The following TBC1D9 variants were observed in gnomAD, a reference collection of about 807,000 sequenced individuals.
TBC1D9 encodes the protein TBC1 domain family member 9A.
TBC1D9 carries 63 observed loss-of-function variants against 132.0 expected under a neutral mutation model. That is an observed-to-expected ratio of 0.48 (90% CI 0.39 to 0.59). The LOEUF (loss-of-function observed/expected upper bound fraction) is 0.59, where lower values mean the gene tolerates loss of function less well. Ranked by LOEUF, TBC1D9 falls within the 20% of genes least tolerant of loss-of-function variation. The pLI is 0.00. For missense variants in TBC1D9, 1,261 were observed against 1,592.7 expected (o/e 0.79, Z 3.54); for synonymous variants, 610 against 609.9 (o/e 1.00, Z 0.00).
intron 13 of TBC1D9, chr4:140,643,559 GCTGGGCTGGGGCTCGCTCAGGGCCGC>G (rs1034211744): frequency 2.3e-6 from 2 of 881,682 alleles, no homozygotes; most frequent in Non-Finnish European, 3.5e-6. Context: ...ACATTTCTAG[GCTGGGCTGGGGCTCGCTCAGGGCCGC>G]CTGGGCCAGG....
chr4:140,723,764 T>C (rs1400821080), intron 1 of TBC1D9, among the ~76,000 whole-genome samples: 1 of 152,244 alleles, frequency 6.6e-6, no homozygotes, highest in African/African-American at 2.4e-5. Flanking sequence ...TTTATTTATC[T>C]ATGTTATTTT....
intron 9 of TBC1D9, among the ~76,000 whole-genome samples, chr4:140,665,283 A>T (rs1022147880): frequency 6.6e-5 from 10 of 152,164 alleles, no homozygotes; most frequent in African/African-American, 2.2e-4. Flanking sequence ...GCTTCGAAGG[A>T]TACCATCAAA....
At chr4:140,637,680 C>T (rs1402148896) in intron 15 of TBC1D9, among the ~76,000 whole-genome samples, 1 of 152,216 alleles carries the variant, frequency 6.6e-6, no homozygotes, top group African/African-American at 2.4e-5. Flanking sequence ...CAATTAGCTA[C>T]AGGTGCTTAA....
At chr4:140,684,731 G>C (rs898247811) in intron 3 of TBC1D9, among the ~76,000 whole-genome samples, 1 of 151,230 alleles carries the variant, frequency 6.6e-6, no homozygotes, top group African/African-American at 2.4e-5. Flanking sequence ...TTGACCTCCT[G>C]AGGCAGGAGA....
chr4:140,641,494 A>C (rs2110979187), intron 13 of TBC1D9, among the ~76,000 whole-genome samples: 1 of 152,290 alleles, frequency 6.6e-6, no homozygotes, highest in Non-Finnish European at 1.5e-5. Flanking sequence ...ACAAACATCA[A>C]GTCACACGCC....
At position 140,623,778 on chromosome 4, in the gene TBC1D9, G is replaced by A. The variant is rs140340493; in HGVS notation, c.3078+338C>T. Among the ~76,000 whole-genome samples the A allele has an allele frequency of 4.0e-3, 613 of 152,280 alleles. 4 individuals carry two copies. Among genetic ancestry groups the A allele is most frequent in the Middle Eastern group, 6.8e-3 (2 of 294 alleles). Reference sequence around the variant, plus strand: ...ATTTCACCAGGTTTTTAAGGAAAATGTGCAGACACCTTTATAGCTAAGCAC... The same window carrying A: ...ATTTCACCAGGTTTTTAAGGAAAATATGCAGACACCTTTATAGCTAAGCAC... On this transcript the variant is annotated intron_variant, in intron 20 of 20. Transcript: ENST00000442267.
chr4:140,645,293 G>A (rs1737086693), intron 13 of TBC1D9: 2 of 512,990 alleles, frequency 3.9e-6, no homozygotes, highest in African/African-American at 3.9e-5. Context: ...CAGTGACAGA[G>A]GGTGCTCCTG....
At chr4:140,627,590 T>G in intron 17 of TBC1D9, 63 bp from the exon 18 acceptor site, 1 of 1,046,674 alleles carries the variant, frequency 9.6e-7, no homozygotes, top group Non-Finnish European at 1.4e-6. Flanking sequence ...AAAGTATGCT[T>G]AATTATTAAA....
intron 2 of TBC1D9, among the ~76,000 whole-genome samples, chr4:140,689,721 CTCCCT>C (rs1458898055): frequency 1.5e-4 from 11 of 75,648 alleles, no homozygotes; most frequent in Admixed American, 4.2e-4. Flanking sequence ...TCCCTTCCCC[CTCCCT>C]TCCCTTCCCT....
At chr4:140,648,919 C>T (rs1282411463) in intron 13 of TBC1D9, among the ~76,000 whole-genome samples, 2 of 152,198 alleles carry the variant, frequency 1.3e-5, no homozygotes, top group African/African-American at 4.8e-5. Flanking sequence ...GCTCCTCCCA[C>T]CCCACCATCA....
intron 13 of TBC1D9, among the ~76,000 whole-genome samples, chr4:140,655,708 A>G (rs1051028723): frequency 6.6e-6 from 1 of 152,156 alleles, no homozygotes; most frequent in African/African-American, 2.4e-5. Flanking sequence ...TGTGAGATAG[A>G]GCGGCAGATC....
intron 12 of TBC1D9, 122 bp from the exon 13 acceptor site, chr4:140,657,348 GGAAA>G (rs1257939372): frequency 7.2e-7 from 1 of 1,382,470 alleles, no homozygotes; most frequent in East Asian, 2.3e-5. Context: ...CTTTAAAGAT[GGAAA>G]GAGAGAAAGA....
Position 140,751,533 on chromosome 4 carries a change from T to C in TBC1D9, c.130+4383A>G, listed in dbSNP as rs183093368. On this transcript the variant is annotated intron_variant, in intron 1 of 20. Coordinates refer to ENST00000442267, the MANE Select transcript of TBC1D9 (RefSeq NM_015130.3). ...TAACCACAGAGCAGGAAAAGACTTATTGAACAGAACACAATAAAATATTAA... is the reference window on the plus strand; with the variant it reads ...TAACCACAGAGCAGGAAAAGACTTACTGAACAGAACACAATAAAATATTAA... Among the ~76,000 whole-genome samples, 338 of 152,280 alleles carry C rather than the reference T, an allele frequency of 2.2e-3. 2 individuals carry two copies. Among genetic ancestry groups the C allele is most frequent in the African/African-American group, 7.7e-3 (320 of 41,558 alleles).
chr4:140,706,128 C>G lies in TBC1D9; in HGVS notation c.131-4514G>C, dbSNP rs1198404793. On this transcript the variant is annotated intron_variant, in intron 1 of 20. Coordinates refer to ENST00000442267, the MANE Select transcript of TBC1D9 (RefSeq NM_015130.3). This position sits in a 1 kb window ranked among gnomAD's most constrained non-coding sequence, Gnocchi z 4.0. ...GTGCTGCAGAGAAACCCCCGTCAGC[C>G]CTCTGCAGGCCGGGCTATGTCAGGA... is the stretch of plus-strand genomic sequence containing the variant. Among the ~76,000 whole-genome samples, 8 of 152,226 alleles carry G rather than the reference C, an allele frequency of 5.3e-5. No individual in the cohort carries two copies. The highest frequency in any genetic ancestry group is 3.3e-4 in the Admixed American group (5 of 15,282).
intron 2 of TBC1D9, among the ~76,000 whole-genome samples, chr4:140,691,398 T>C (rs1382119207): frequency 6.6e-6 from 1 of 152,144 alleles, no homozygotes; most frequent in African/African-American, 2.4e-5. Flanking sequence ...GTAATTCAAG[T>C]CTTAGAACTT....
rs566995841 is a variant in TBC1D9 at position 140,711,396 on chromosome 4, A to G, written c.131-9782T>C. Among the ~76,000 whole-genome samples, 29 of 152,210 alleles carry G rather than the reference A, an allele frequency of 1.9e-4. No individual in the cohort carries two copies. The South Asian group carries it at 5.4e-3, about 28-fold the overall frequency. ...CGCTATGAAGCCCACCTCTGTTTCT[A>G]AGAGATTAGCTATATCAATCCCCTC... is the stretch of plus-strand genomic sequence containing the variant. On this transcript the variant is annotated intron_variant, in intron 1 of 20. Coordinates refer to ENST00000442267, the MANE Select transcript of TBC1D9 (RefSeq NM_015130.3).
At chr4:140,643,394 GGCCACC>G in intron 13 of TBC1D9, 1 of 595,224 alleles carries the variant, frequency 1.7e-6, no homozygotes. Context: ...GCAGCTCCAT[GGCCACC>G]TCCATGCCAG....
rs1315161490 is a variant in TBC1D9 at position 140,679,278 on chromosome 4, C to T, written c.590-75G>A. 5 of 1,473,532 alleles carry T rather than the reference C, an allele frequency of 3.4e-6. No homozygotes were observed. The African/African-American group carries it at 7.0e-5, about 21-fold the overall frequency. 91.3% of individuals were successfully genotyped at this position (1,473,532 alleles called of 1,614,324 possible). A position where few individuals can be genotyped will look rare whatever the true frequency, so the allele number is the denominator to read the frequency against. On this transcript the variant is annotated intron_variant, in intron 4 of 20. Transcript: ENST00000442267. ...TTCAAGATATTGCAGTCTCACAACC[C>T]CACTCCCCCATCCCACTGAACTCCT...
rs531092572 is a variant in TBC1D9, at chr4:140,717,803, A to C, written c.131-16189T>G. On this transcript the variant is annotated intron_variant, in intron 1 of 20. Transcript: ENST00000442267. ...TGGGTAGAACACAGTGCAGTCATGA[A>C]AGACAGACTGGAAAGCCATGGTATC... Among the ~76,000 whole-genome samples the C allele has an allele frequency of 2.6e-5, 4 of 152,272 alleles. No homozygotes were observed. The East Asian group carries it at 7.7e-4, about 29-fold the overall frequency.
Sources: allele counts gnomAD v4.1 joint callset (sites outside exome capture counted in the v4.1 genomes callset), GRCh38; gene constraint gnomAD v4.1.1; non-coding constraint Gnocchi (gnomAD v3.1); transcripts MANE v1.5; gene names NCBI Gene and HGNC (gene_info 2026-07-23, HGNC 2026-07-21).